CFAP97D2: variants seen among roughly 807,000 people sequenced by gnomAD.
The protein encoded by CFAP97D2 is CFAP97 domain containing 2.
intron 4 of CFAP97D2, among the ~76,000 whole-genome samples, chr13:114,220,721 T>A (rs1440965002): frequency 6.6e-6 from 1 of 152,154 alleles, no homozygotes; most frequent in African/African-American, 2.4e-5. Context: ...CAAACACAAA[T>A]GATCTCCAGG....
At chr13:114,191,099 T>C (rs2080867705) in intron 1 of CFAP97D2, among the ~76,000 whole-genome samples, 1 of 151,980 alleles carries the variant, frequency 6.6e-6, no homozygotes, top group South Asian at 2.1e-4. Flanking sequence ...TAGACATAAA[T>C]TTAAAATGCA....
rs1298207801 is a variant in CFAP97D2, at chr13:114,207,732, G to T, written c.291-4180G>T. Among the ~76,000 whole-genome samples, 1 of 152,144 alleles carries T rather than the reference G, an allele frequency of 6.6e-6. No individual in the cohort carries two copies. The highest frequency in any genetic ancestry group is 1.5e-5 in the Non-Finnish European group (1 of 68,030). ...CATGGCCCGGGGGTTGGGGACCTCT[G>T]CCTTATAGGGAAAACTGATTAGATC... On this transcript the variant is annotated intron_variant, in intron 3 of 4. Coordinates refer to ENST00000646158, the Ensembl canonical transcript of CFAP97D2. The surrounding 1 kb of genome is among the most constrained non-coding windows in gnomAD (Gnocchi z 4.9).
At chr13:114,222,874 A>G (rs2081027196), downstream of CFAP97D2, 1 of 237,402 alleles carries the variant, frequency 4.2e-6, no homozygotes, top group Non-Finnish European at 8.0e-6. The surrounding 1 kb of genome is among the most constrained non-coding windows in gnomAD (Gnocchi z 4.4). Context: ...ATAACTGGAA[A>G]CAAACTATGC....
intron 3 of CFAP97D2, among the ~76,000 whole-genome samples, chr13:114,204,882 T>TA (rs535446559): frequency 7.2e-5 from 11 of 151,806 alleles, no homozygotes; most frequent in East Asian, 3.9e-4. Context: ...ATCAAGAAAG[T>TA]AAAAAAAACC....
chr13:114,221,655 T>C (rs1420004703), intron 4 of CFAP97D2, among the ~76,000 whole-genome samples: 3 of 151,918 alleles, frequency 2.0e-5, no homozygotes, highest in Non-Finnish European at 4.4e-5. Flanking sequence ...CAGTGGTATG[T>C]ATACATATGT....
chr13:114,221,015 G>A (rs759953804), intron 4 of CFAP97D2, among the ~76,000 whole-genome samples: 37 of 152,262 alleles, frequency 2.4e-4, no homozygotes, highest in African/African-American at 8.7e-4. Flanking sequence ...TCGGGAGGCC[G>A]AGACAGGCGG....
At chr13:114,208,882 A>G (rs2080953617) in intron 3 of CFAP97D2, among the ~76,000 whole-genome samples, 1 of 152,160 alleles carries the variant, frequency 6.6e-6, no homozygotes, top group Non-Finnish European at 1.5e-5. Context: ...GGCTGCCAGA[A>G]ACCACAAGAT....
chr13:114,221,762 G>GAA (rs59891583), intron 4 of CFAP97D2, among the ~76,000 whole-genome samples: 1,728 of 150,356 alleles, frequency 0.011, 94 homozygotes, highest in Admixed American at 0.08. Context: ...AAAATGAAAA[G>GAA]AAAAAAAAAG....
intron 1 of CFAP97D2, among the ~76,000 whole-genome samples, chr13:114,184,275 T>C (rs1170172035): frequency 2.0e-5 from 3 of 152,094 alleles, no homozygotes; most frequent in African/African-American, 4.8e-5. Flanking sequence ...TTACTTGTAA[T>C]GAGAATACCA....
Position 114,186,386 on chromosome 13 carries a change from T to C in CFAP97D2, c.90+6966T>C, listed in dbSNP as rs1011413788. Among the ~76,000 whole-genome samples the C allele has an allele frequency of 1.3e-5, 2 of 152,134 alleles. No homozygotes were observed. Among genetic ancestry groups the C allele is most frequent in the Non-Finnish European group, 2.9e-5 (2 of 68,016 alleles). ...GAGCTGTTCTATTGTTCAGTAAAGC[T>C]CCTCTTTGTCTTGCTCACCCTCCAC... On this transcript the variant is annotated intron_variant, in intron 1 of 4. Coordinates refer to ENST00000646158, the Ensembl canonical transcript of CFAP97D2. The surrounding 1 kb of genome is among the most constrained non-coding windows in gnomAD (Gnocchi z 4.3).
chr13:114,212,306 C>T lies in CFAP97D2; in HGVS notation c.480+205C>T, dbSNP rs182034408. 123 of 382,354 alleles carry T rather than the reference C, an allele frequency of 3.2e-4. No homozygotes were observed. In the Middle Eastern group the frequency reaches 8.0e-3, roughly 25 times the overall value. 23.7% of individuals were successfully genotyped at this position (382,354 alleles called of 1,614,324 possible). On this transcript the variant is annotated intron_variant, in intron 4 of 4. Coordinates refer to ENST00000646158, the Ensembl canonical transcript of CFAP97D2. ...ACTCAGCTGATGACCTCACCCACCA[C>T]GCATTTGTTCACGAAGTTGAGGAAA... is the stretch of plus-strand genomic sequence containing the variant.
intron 4 of CFAP97D2, among the ~76,000 whole-genome samples, chr13:114,217,856 G>A (rs181397676): frequency 1.3e-5 from 2 of 152,164 alleles, no homozygotes; most frequent in Admixed American, 6.6e-5. Flanking sequence ...CAATAAATTC[G>A]GTATTGATAG....
At chr13:114,222,571 T>G (rs1235540688), downstream of CFAP97D2, 2 of 385,548 alleles carry the variant, frequency 5.2e-6, no homozygotes, top group Non-Finnish European at 9.0e-6. This position sits in a 1 kb window ranked among gnomAD's most constrained non-coding sequence, Gnocchi z 4.4. Context: ...AGGGTAAGGA[T>G]TCAGAACACA....
Position 114,182,205 on chromosome 13 carries a change from C to T in CFAP97D2, c.90+2785C>T, listed in dbSNP as rs188420442. Among the ~76,000 whole-genome samples the T allele has an allele frequency of 9.0e-3, 1,281 of 142,440 alleles. 62 individuals are homozygous for T. The highest frequency in any genetic ancestry group is 0.017 in the Admixed American group (244 of 14,366). The allele number at this position is 142,440 out of a possible 152,430, so 93.4% of individuals were successfully genotyped here. ...AAAGAGTCTATGTCGTAATTAAGTT[C>T]AAGGGAAGGTACTATGCCTGGATGT... On this transcript the variant is annotated intron_variant, in intron 1 of 4. Coordinates refer to ENST00000646158, the Ensembl canonical transcript of CFAP97D2.
chr13:114,222,146 T>C lies in CFAP97D2; in HGVS notation c.481-352T>C, dbSNP rs912914355. Among the ~76,000 whole-genome samples the C allele has an allele frequency of 2.0e-5, 3 of 152,150 alleles. No individual in the cohort carries two copies. Among genetic ancestry groups the C allele is most frequent in the African/African-American group, 4.8e-5 (2 of 41,410 alleles). On this transcript the variant is annotated intron_variant, in intron 4 of 4. Coordinates refer to ENST00000646158, the Ensembl canonical transcript of CFAP97D2. This position sits in a 1 kb window ranked among gnomAD's most constrained non-coding sequence, Gnocchi z 4.4. The stretch of plus-strand genomic sequence containing the variant: ...TCCCTTTTATATGAAATGTCCAGAA[T>C]AGGCACATTCAAAGAGACAAAAAGT...
rs9562136 is a variant in CFAP97D2, at chr13:114,187,556, G to C, written c.90+8136G>C. On this transcript the variant is annotated intron_variant, in intron 1 of 4. Transcript: ENST00000646158. The surrounding 1 kb of genome is among the most constrained non-coding windows in gnomAD (Gnocchi z 4.2). Reference sequence around the variant, plus strand: ...AAAATGGGGTCGATTCTCCAAAAAGGCATAATAATCCTTAATGTGCAAGCA... The same window carrying C: ...AAAATGGGGTCGATTCTCCAAAAAGCCATAATAATCCTTAATGTGCAAGCA... Among the ~76,000 whole-genome samples, 10,152 of 152,098 alleles carry C rather than the reference G, an allele frequency of 0.067. 682 individuals are homozygous for C. Among genetic ancestry groups the C allele is most frequent in the East Asian group, 0.35 (1,817 of 5,164 alleles).
chr13:114,196,737 C>T (rs1465781422), intron 2 of CFAP97D2, among the ~76,000 whole-genome samples: 5 of 152,120 alleles, frequency 3.3e-5, no homozygotes, highest in Admixed American at 6.5e-5. Flanking sequence ...GTTTATTTTG[C>T]CAAGTTTAAG....
At chr13:114,193,737 T>C (rs561812876) in intron 1 of CFAP97D2, among the ~76,000 whole-genome samples, 6 of 152,320 alleles carry the variant, frequency 3.9e-5, no homozygotes, top group Non-Finnish European at 5.9e-5. Flanking sequence ...GCTGGTGATG[T>C]ACAAACAATA....
intron 1 of CFAP97D2, among the ~76,000 whole-genome samples, chr13:114,190,767 A>G (rs898737973): frequency 6.6e-6 from 1 of 152,260 alleles, no homozygotes; most frequent in East Asian, 1.9e-4. Context: ...TGTTGATATC[A>G]GCAAACTCAT....
Sources: gnomAD v4.1 joint callset for allele counts (sites outside exome capture counted in the v4.1 genomes callset) on GRCh38, gnomAD v4.1.1 for gene constraint, Gnocchi (gnomAD v3.1) non-coding constraint, MANE v1.5 for transcripts, NCBI Gene and HGNC (gene_info 2026-07-23, HGNC 2026-07-21) for gene names.